The following PTPRA variants were observed in gnomAD, a reference collection of about 807,000 sequenced individuals.
PTPRA encodes the protein protein tyrosine phosphatase receptor type A.
In PTPRA, 25 loss-of-function variants were observed where a neutral mutation model predicts 104.8. That is an observed-to-expected ratio of 0.24 (90% confidence interval 0.17 to 0.33). The LOEUF (loss-of-function observed/expected upper bound fraction) is 0.33, where lower values mean the gene tolerates loss of function less well. PTPRA is among the 10% of genes least tolerant of loss of function. The pLI, the probability that PTPRA is intolerant of heterozygous loss-of-function variation, is 1.00. For synonymous variants in PTPRA, 323 were observed against 368.9 expected (o/e 0.88, Z 1.43); for missense variants, 765 against 1,015.3 (o/e 0.75, Z 3.35).
chr20:2,965,308 TG>T, intron 5 of PTPRA, 106 bp downstream of exon 5: 1 of 1,173,358 alleles, frequency 8.5e-7, no homozygotes, highest in Non-Finnish European at 1.2e-6. Flanking sequence ...TAAGTAAAAT[TG>T]CTCAAGTGAA....
chr20:2,999,958 T>C (rs1312987180), intron 9 of PTPRA, among the ~76,000 whole-genome samples: 3 of 152,066 alleles, frequency 2.0e-5, no homozygotes, highest in East Asian at 1.9e-4. Context: ...AGGAAGAGTA[T>C]CCAGAATATA....
In PTPRA at chr20:3,035,736, G is replaced by A; in HGVS notation, c.2046+26G>A. 1 of 1,614,174 alleles carries A rather than the reference G, an allele frequency of 6.2e-7. No homozygotes were observed. Among genetic ancestry groups the A allele is most frequent in the Non-Finnish European group, 8.5e-7 (1 of 1,180,022 alleles). On this transcript the variant is annotated intron_variant, in intron 21 of 23. Coordinates refer to ENST00000399903, the MANE Select transcript of PTPRA (RefSeq NM_001385305.1). The surrounding 1 kb of genome is among the most constrained non-coding windows in gnomAD (Gnocchi z 5.8). Reference sequence around the variant, plus strand: ...GTAAGATGGGTCGTGGGTGGACTCTGCCCACAGGAAAAGCAGGGTTACCCC... The same window carrying A: ...GTAAGATGGGTCGTGGGTGGACTCTACCCACAGGAAAAGCAGGGTTACCCC...
At chr20:2,994,024 G>A (rs373095018) in intron 9 of PTPRA, among the ~76,000 whole-genome samples, 53 of 152,236 alleles carry the variant, frequency 3.5e-4, no homozygotes, top group East Asian at 1.2e-3. Flanking sequence ...TCCATCAGCT[G>A]GCCTGCAAAG....
intron 6 of PTPRA, among the ~76,000 whole-genome samples, chr20:2,977,553 G>A (rs2062488731): frequency 1.3e-5 from 2 of 151,492 alleles, no homozygotes; most frequent in East Asian, 1.9e-4. Flanking sequence ...GCTGAGGTGG[G>A]AGGATCACCT....
chr20:2,867,640 T>C, the PTPRA span, among the ~76,000 whole-genome samples: 2 of 152,150 alleles, frequency 1.3e-5, no homozygotes, highest in Non-Finnish European at 2.9e-5. Flanking sequence ...GCACCTTGGC[T>C]TCATGCCCAG....
Position 3,035,858 on chromosome 20 carries a change from C to T in PTPRA, c.2115C>T (p.Asp705=), listed in dbSNP as rs761130690. 5 of 1,614,002 alleles carry T rather than the reference C, an allele frequency of 3.1e-6. No homozygotes were observed. Among genetic ancestry groups the T allele is most frequent in the Middle Eastern group, 1.6e-4 (1 of 6,070 alleles). Residue 705 remains aspartate (D), a synonymous_variant, in exon 22 of 24, where the codon GAC becomes GAT. Transcript: ENST00000399903. The surrounding 1 kb of genome is among the most constrained non-coding windows in gnomAD (Gnocchi z 5.8). The part of the protein sequence containing the change: ...HGWPEVGIPS[D]GKGMISIIAA... ...GGCCTGAAGTGGGCATCCCCAGTGA[C>T]GGAAAGGGCATGATCAGCATCATCG...
chr20:3,026,649 T>C, intron 17 of PTPRA, 38 bp from the exon 18 acceptor site: 1 of 1,505,406 alleles, frequency 6.6e-7, no homozygotes, highest in South Asian at 1.1e-5. Context: ...GTTCAGTTAC[T>C]GGGATCAGTA....
At chr20:2,952,249 A>C (rs1055861391) in intron 3 of PTPRA, among the ~76,000 whole-genome samples, 1 of 152,148 alleles carries the variant, frequency 6.6e-6, no homozygotes, top group Non-Finnish European at 1.5e-5. Flanking sequence ...CTGATCTTTT[A>C]ATTTTAGTCA....
At chr20:2,903,912 CTT>C (rs574439749) in intron 1 of PTPRA, among the ~76,000 whole-genome samples, 3 of 146,242 alleles carry the variant, frequency 2.1e-5, no homozygotes, top group African/African-American at 2.5e-5. Flanking sequence ...GTTTCCATAA[CTT>C]TTTTTTTTTT....
intron 6 of PTPRA, among the ~76,000 whole-genome samples, chr20:2,980,373 G>A (rs1048333810): frequency 6.6e-6 from 1 of 151,850 alleles, no homozygotes; most frequent in Non-Finnish European, 1.5e-5. Flanking sequence ...TTCAAGACCA[G>A]GCTGGCCAAC....
chr20:2,922,469 A>T (rs964505810), intron 1 of PTPRA, among the ~76,000 whole-genome samples: 2 of 151,730 alleles, frequency 1.3e-5, no homozygotes, highest in Non-Finnish European at 1.5e-5. Flanking sequence ...CCTCCCAAGT[A>T]ACTGGGATTA....
At chr20:3,027,016 G>A (rs1360746355) in intron 18 of PTPRA, 105 bp from the exon 19 acceptor site, 4 of 1,263,144 alleles carry the variant, frequency 3.2e-6, no homozygotes, top group Non-Finnish European at 4.6e-6. Context: ...ACATGTCCTT[G>A]CCCAGCTGGG....
At chr20:3,014,268 A>G (rs1000042158) in intron 11 of PTPRA, among the ~76,000 whole-genome samples, 6 of 152,184 alleles carry the variant, frequency 3.9e-5, no homozygotes, top group Admixed American at 3.9e-4. Flanking sequence ...AAACATATCC[A>G]TCTCTGAGGC....
At chr20:2,884,376 A>G (rs1385516273) in intron 1 of PTPRA, among the ~76,000 whole-genome samples, 5 of 152,196 alleles carry the variant, frequency 3.3e-5, no homozygotes, top group East Asian at 1.9e-4. Flanking sequence ...CAGCAATACA[A>G]TAGGGGTCCA....
rs1470811825 is a variant in PTPRA at position 3,022,822 on chromosome 20, G to A, written c.1462G>A (p.Asp488Asn). ...ACAGCGCTGCCAGATGGTGCAAACC[G>A]ATGTGAGTGATCTGTGGGTCAGGTG... ...RAQRCQMVQT[D>N]MQYVFIYQAL... The change falls in exon 16 of 24, where the codon GAT (aspartate) becomes AAT (asparagine). Residue 488 changes from aspartate to asparagine, a missense_variant and splice_region_variant. Asp to Asn is a conservative substitution (Grantham distance 23, BLOSUM62 1). This residue lies in a region of PTPRA where 245 missense variants were observed against 398.7 expected (regional missense o/e 0.61). Transcript: ENST00000399903. This position sits in a 1 kb window ranked among gnomAD's most constrained non-coding sequence, Gnocchi z 4.6. 6 of 1,614,018 alleles carry A rather than the reference G, an allele frequency of 3.7e-6. No individual in the cohort carries two copies. The highest frequency in any genetic ancestry group is 2.2e-5 in the East Asian group (1 of 44,900).
intron 12 of PTPRA, 47 bp from the exon 13 acceptor site, chr20:3,017,765 ATCTT>A: frequency 1.3e-6 from 2 of 1,510,428 alleles, no homozygotes; most frequent in Admixed American, 1.7e-5. Flanking sequence ...GCCTCCCAGC[ATCTT>A]TCTTCTTGGT....
At chr20:2,963,430 C>T (rs1168313627) in intron 3 of PTPRA, among the ~76,000 whole-genome samples, 1 of 151,924 alleles carries the variant, frequency 6.6e-6, no homozygotes, top group African/African-American at 2.4e-5. Flanking sequence ...GGAGAAACCC[C>T]ATCTCTACTA....
chr20:2,864,519 C>T, the PTPRA span: 8 of 1,613,964 alleles, frequency 5.0e-6, no homozygotes, highest in Non-Finnish European at 6.8e-6. The surrounding 1 kb of genome is among the most constrained non-coding windows in gnomAD (Gnocchi z 5.2). Flanking sequence ...GTTGGCCTTG[C>T]TGACTGATTG....
chr20:2,939,272 C>T (rs1272966635), intron 2 of PTPRA, among the ~76,000 whole-genome samples: 1 of 152,224 alleles, frequency 6.6e-6, no homozygotes, highest in Non-Finnish European at 1.5e-5. Context: ...TTCTCTAGCT[C>T]TCTCCTCACC....
Sources: gnomAD v4.1 joint callset for allele counts (sites outside exome capture counted in the v4.1 genomes callset) on GRCh38, gnomAD v4.1.1 for gene constraint, gnomAD v4.1.1 regional missense constraint, Gnocchi (gnomAD v3.1) non-coding constraint, MANE v1.5 for transcripts, NCBI Gene and HGNC (gene_info 2026-07-23, HGNC 2026-07-21) for gene names.